ALDH9A1: variants seen among roughly 807,000 people sequenced by gnomAD.
The protein encoded by ALDH9A1 is aldehyde dehydrogenase 9 family member A1.
A neutral mutation model predicts 56.6 loss-of-function variants in ALDH9A1; 42 were observed. The ratio of observed to expected loss-of-function variants is 0.74; its 90% CI spans 0.58 to 0.96. ALDH9A1 has a LOEUF of 0.96. Ranked by LOEUF, ALDH9A1 falls within the 40% of genes least tolerant of loss-of-function variation. The probability of loss-of-function intolerance (pLI) is 0.00; values close to 1 mark genes in which losing one functional copy is unlikely to be tolerated. For missense variants in ALDH9A1, 661 were observed against 651.5 expected (o/e 1.01, Z -0.16); for synonymous variants, 242 against 236.0 (o/e 1.03, Z -0.23).
At chr1:165,683,245 G>A (rs572207129) in intron 2 of ALDH9A1, 135 bp from the exon 3 acceptor site, 544 of 943,992 alleles carry the variant, frequency 5.8e-4, no homozygotes, top group Non-Finnish European at 8.1e-4. Context: ...AAATGGCAGT[G>A]TTACATTTAG....
At chr1:165,691,465 A>AAG (rs1649886986) in intron 2 of ALDH9A1, among the ~76,000 whole-genome samples, 2 of 152,256 alleles carry the variant, frequency 1.3e-5, no homozygotes, top group African/African-American at 4.8e-5. Context: ...TCTCAAAACC[A>AAG]GAGTGCCTCT....
chr1:165,692,756 A>G (rs1375761128), intron 2 of ALDH9A1, among the ~76,000 whole-genome samples: 1 of 150,976 alleles, frequency 6.6e-6, no homozygotes, highest in African/African-American at 2.4e-5. Context: ...TGCATTGCCA[A>G]GACAATCCTA....
chr1:165,669,473 C>G, intron 6 of ALDH9A1, 23 bp from the exon 7 acceptor site: 2 of 1,579,056 alleles, frequency 1.3e-6, no homozygotes, highest in Non-Finnish European at 1.7e-6. Context: ...CACAAGACAT[C>G]AATTTCTATG....
At chr1:165,671,473 T>C in intron 6 of ALDH9A1, 1 of 447,310 alleles carries the variant, frequency 2.2e-6, no homozygotes, top group Admixed American at 2.5e-5. Context: ...GTACGATTTG[T>C]GACAGGCAAT....
In ALDH9A1 at chr1:165,667,543, G is replaced by A. The variant is rs531542503; in HGVS notation, c.1208-93C>T. The A allele has an allele frequency of 9.4e-5, 133 of 1,416,974 alleles. No homozygotes were observed. The African/African-American group carries it at 9.6e-4, about 10-fold the overall frequency. 87.8% of individuals were successfully genotyped at this position (1,416,974 alleles called of 1,614,324 possible). A position where few individuals can be genotyped will look rare whatever the true frequency, so the allele number is the denominator to read the frequency against. ...TTTTTTGAAGATCGGGTCTCACTATGTTGCCCAGTCTGGTCTCAAACACCT... is the reference window on the plus strand; with the variant it reads ...TTTTTTGAAGATCGGGTCTCACTATATTGCCCAGTCTGGTCTCAAACACCT... On this transcript the variant is annotated intron_variant, in intron 8 of 10. Coordinates refer to ENST00000354775, the MANE Select transcript of ALDH9A1 (RefSeq NM_000696.4).
intron 6 of ALDH9A1, chr1:165,671,118 T>C (rs1423370788): frequency 6.5e-6 from 1 of 154,654 alleles, no homozygotes; most frequent in Non-Finnish European, 1.4e-5. Context: ...ATTAAAACTA[T>C]ACTGAAATAC....
At chr1:165,668,718 ATAAAC>A in intron 8 of ALDH9A1, 2 of 417,744 alleles carry the variant, frequency 4.8e-6, no homozygotes, top group Non-Finnish European at 8.5e-6. Context: ...GTGGTCCTGG[ATAAAC>A]TAATACATAT....
chr1:165,668,644 T>C (rs1284021923), intron 8 of ALDH9A1: 5 of 248,908 alleles, frequency 2.0e-5, no homozygotes, highest in Non-Finnish European at 3.8e-5. Flanking sequence ...ATTAAATTTA[T>C]TAATTTTTTT....
chr1:165,691,525 C>T (rs760927672), intron 2 of ALDH9A1, among the ~76,000 whole-genome samples: 35 of 152,118 alleles, frequency 2.3e-4, no homozygotes, highest in Admixed American at 3.9e-4. Context: ...CAAAGCTGCA[C>T]GGAGAATGAC....
intron 1 of ALDH9A1, chr1:165,698,151 C>T (rs1245524705): frequency 8.1e-7 from 1 of 1,233,952 alleles, no homozygotes; most frequent in Admixed American, 4.0e-5. Context: ...AACTCACGAT[C>T]CTACCACGCA....
chr1:165,663,088 C>G lies in ALDH9A1; in HGVS notation c.1519G>C (p.Val507Leu), dbSNP rs776018616. The G allele has an allele frequency of 6.2e-7, 1 of 1,613,962 alleles. No individual in the cohort carries two copies. The highest frequency in any genetic ancestry group is 2.2e-5 in the East Asian group (1 of 44,894). ...TCCACATCACCCATCTCCACACACACAGTCTTCAGCTGTGAATAATATTCG... is the reference window on the plus strand; with the variant it reads ...TCCACATCACCCATCTCCACACACAGAGTCTTCAGCTGTGAATAATATTCG... ...TIEYYSQLKT[V>L]CVEMGDVESA... The change falls in exon 11 of 11, where the codon GTG becomes CTG. Residue 507 changes from valine (V) to leucine (L), a missense_variant. Coordinates refer to ENST00000354775, the MANE Select transcript of ALDH9A1 (RefSeq NM_000696.4).
chr1:165,667,538 A>C, intron 8 of ALDH9A1, 88 bp from the exon 9 acceptor site: 1 of 1,454,262 alleles, frequency 6.9e-7, no homozygotes, highest in Non-Finnish European at 9.4e-7. Context: ...ATCGGGTCTC[A>C]CTATGTTGCC....
At position 165,698,384 on chromosome 1, in the gene ALDH9A1, C is replaced by G. The variant is rs762876077; in HGVS notation, c.175G>C (p.Ala59Pro). ...ASGTEKAFEP[A>P]TGRVIATFTC... is the part of the protein sequence containing the mutation. ...CCCGGCTCGTTGCAGTTACCGGTTG[C>G]TGGCTCGAAAGCTTTCTCGGTACCG... Residue 59 changes from alanine to proline, a missense_variant, in exon 1 of 11, where the codon GCA (alanine) becomes CCA (proline). Ala to Pro is a conservative substitution (Grantham distance 27, BLOSUM62 -1). Transcript: ENST00000354775. 1.7e-5 allele frequency: 27 copies of G among 1,591,366 alleles called. No individual in the cohort carries two copies. Among genetic ancestry groups the G allele is most frequent in the Non-Finnish European group, 2.3e-5 (27 of 1,170,812 alleles).
Position 165,698,340 on chromosome 1 carries a change from C to G in ALDH9A1, c.181+38G>C, listed in dbSNP as rs1371737983. On this transcript the variant is annotated intron_variant, in intron 1 of 10. Transcript: ENST00000354775. Reference sequence around the variant, plus strand: ...TGGCCGGGAAATCCGCGCATCCGGCCCCAGGGCGCCCCAGCCTCCCCGGCT... The same window carrying G: ...TGGCCGGGAAATCCGCGCATCCGGCGCCAGGGCGCCCCAGCCTCCCCGGCT... 5 of 1,565,040 alleles carry G rather than the reference C, an allele frequency of 3.2e-6. No homozygotes were observed. The East Asian group carries it at 1.1e-4, about 36-fold the overall frequency.
intron 1 of ALDH9A1, among the ~76,000 whole-genome samples, chr1:165,695,887 T>A (rs1650067564): frequency 6.6e-6 from 1 of 151,566 alleles, no homozygotes; most frequent in African/African-American, 2.4e-5. Flanking sequence ...GTCTCGCTCT[T>A]GTTACCCAGG....
At chr1:165,697,245 A>T (rs1650118122) in intron 1 of ALDH9A1, among the ~76,000 whole-genome samples, 1 of 152,254 alleles carries the variant, frequency 6.6e-6, no homozygotes, top group Admixed American at 6.5e-5. Context: ...CAAGATGAAT[A>T]AATTGTGGAG....
Position 165,680,509 on chromosome 1 carries a change from C to T in ALDH9A1, c.767G>A (p.Gly256Glu). Residue 256 changes from glycine to glutamate, a missense_variant, in exon 5 of 11, where the codon GGA (glycine) becomes GAA (glutamate). Gly to Glu is a moderately conservative substitution (Grantham distance 98, BLOSUM62 -2). Transcript: ENST00000354775. The stretch of plus-strand genomic sequence containing the variant: ...CACCTTCATGCCAGTGGGCACACTT[C>T]CAGTGAAGGAGACTTTGGCCACATC... ...HPDVAKVSFT[G>E]SVPTGMKIME... The T allele has an allele frequency of 6.2e-7, 1 of 1,614,088 alleles. No homozygotes were observed. Among genetic ancestry groups the T allele is most frequent in the Non-Finnish European group, 8.5e-7 (1 of 1,179,990 alleles).
In ALDH9A1 at chr1:165,695,502, TTTTTTTTTC is replaced by T. The variant is rs1340007802; in HGVS notation, c.182-114_182-106del. ...TAGTAGTAGTCTTTTTTTTTTTTTT[TTTTTTTTTC>T]TTGAGATGGAGTCTTGCTCTGTCAC... On this transcript the variant is annotated intron_variant, in intron 1 of 10. Transcript: ENST00000354775. 8.0e-4 allele frequency: 760 copies of T among 944,878 alleles called. 1 individual carries two copies. The highest frequency in any genetic ancestry group is 2.3e-3 in the South Asian group (100 of 42,872). The allele number at this position is 944,878 out of a possible 1,614,324, so 58.5% of individuals were successfully genotyped here.
intron 8 of ALDH9A1, among the ~76,000 whole-genome samples, chr1:165,667,700 C>T (rs956021009): frequency 1.3e-5 from 2 of 152,140 alleles, no homozygotes; most frequent in African/African-American, 4.8e-5. Flanking sequence ...GTAATAACTG[C>T]AACCTAATTC....
Sources: gnomAD v4.1 joint callset for allele counts (sites outside exome capture counted in the v4.1 genomes callset) on GRCh38, gnomAD v4.1.1 for gene constraint, MANE v1.5 for transcripts, NCBI Gene and HGNC (gene_info 2026-07-23, HGNC 2026-07-21) for gene names.